TTC39A: variants seen among roughly 807,000 people sequenced by gnomAD.
TTC39A encodes the protein tetratricopeptide repeat protein 39A.
Under a neutral mutation model 82.3 loss-of-function variants are expected in TTC39A, and 46 were observed. The ratio of observed to expected loss-of-function variants is 0.56; its 90% CI spans 0.44 to 0.71. The LOEUF is 0.71. Ranked by LOEUF, TTC39A falls within the 30% of genes least tolerant of loss-of-function variation. The pLI, the probability that TTC39A is intolerant of heterozygous loss-of-function variation, is 0.00. For missense variants in TTC39A, 543 were observed against 712.9 expected (o/e 0.76, Z 2.71); for synonymous variants, 254 against 275.2 (o/e 0.92, Z 0.76).
At chr1:51,301,861 G>A in intron 11 of TTC39A, 128 bp from the exon 12 acceptor site, 3 of 1,390,982 alleles carry the variant, frequency 2.2e-6, no homozygotes, top group Non-Finnish European at 2.9e-6. Context: ...CCTGTGCTAG[G>A]CTCAGGTGGG....
chr1:51,302,166 T>C (rs1271779406), intron 11 of TTC39A, 191 bp downstream of exon 11: 4 of 770,038 alleles, frequency 5.2e-6, no homozygotes, highest in Non-Finnish European at 9.2e-6. Context: ...AAATGCCTCC[T>C]CCTCCCTTGT....
chr1:51,345,027 G>A (rs528929891), exon 1 of TTC39A: 2 of 1,519,222 alleles, frequency 1.3e-6, no homozygotes, highest in African/African-American at 1.4e-5. Context: ...CTCCTTCCAG[G>A]TGGTCAGAAA....
At chr1:51,325,335 C>G (rs1357429175) in intron 1 of TTC39A, among the ~76,000 whole-genome samples, 1 of 152,060 alleles carries the variant, frequency 6.6e-6, no homozygotes, top group East Asian at 1.9e-4. Flanking sequence ...GGGTAAAGGC[C>G]AAGTTCCTTT....
rs564375239 is a variant in TTC39A, at chr1:51,294,933, A to G, written c.1146-422T>C. Among the ~76,000 whole-genome samples the G allele has an allele frequency of 4.1e-4, 62 of 152,310 alleles. 1 individual carries two copies. The highest frequency in any genetic ancestry group is 1.4e-3 in the African/African-American group (58 of 41,576). ...CAAGACCAAACAGCTCAAACCCTTA[A>G]TTAACTCTTGCCTCGCGAGTTCTGG... On this transcript the variant is annotated intron_variant, in intron 13 of 17. Coordinates refer to ENST00000680483, the MANE Select transcript of TTC39A (RefSeq NM_001297663.2). The surrounding 1 kb of genome is among the most constrained non-coding windows in gnomAD (Gnocchi z 4.3).
Position 51,303,139 on chromosome 1 carries a change from A to G in TTC39A, c.708T>C (p.Ser236=). The change falls in exon 9 of 18, where the codon TCT becomes TCC. Residue 236 remains serine, a synonymous_variant. Transcript: ENST00000680483. The stretch of plus-strand genomic sequence containing the variant: ...ACAGCAGGAGCATGACACAGAGCAC[A>G]GAGCGGAAGCTGTGCCCTGACGCTC... ...EEGASGHSFR[S]VLCVMLLLCY... is the part of the protein sequence containing the mutation. 6.4e-7 allele frequency: 1 copy of G among 1,557,088 alleles called. No homozygotes were observed. The highest frequency in any genetic ancestry group is 8.7e-7 in the Non-Finnish European group (1 of 1,148,100).
chr1:51,290,645 T>C lies in TTC39A; in HGVS notation c.1267-20A>G, dbSNP rs760969854. On this transcript the variant is annotated intron_variant, in intron 14 of 17. Coordinates refer to ENST00000680483, the MANE Select transcript of TTC39A (RefSeq NM_001297663.2). ...CATTTCCTGAAGGCAGGGGGGCAAG[T>C]CAGTCCTAGGTTTCTTCCCTAATGG... is the stretch of plus-strand genomic sequence containing the variant. 5 of 1,602,100 alleles carry C rather than the reference T, an allele frequency of 3.1e-6. No homozygotes were observed. Among genetic ancestry groups the C allele is most frequent in the Non-Finnish European group, 4.3e-6 (5 of 1,173,406 alleles).
At chr1:51,313,300 T>C (rs997095345) in intron 2 of TTC39A, among the ~76,000 whole-genome samples, 4 of 152,166 alleles carry the variant, frequency 2.6e-5, no homozygotes, top group African/African-American at 4.8e-5. Flanking sequence ...GCCACCCTCT[T>C]GCCTTCTGCC....
intron 1 of TTC39A, among the ~76,000 whole-genome samples, chr1:51,326,724 C>T (rs1038121952): frequency 6.6e-5 from 10 of 152,168 alleles, no homozygotes; most frequent in East Asian, 3.9e-4. Flanking sequence ...GAAGCAACAG[C>T]GCCAAACCTT....
At chr1:51,308,548 A>T (rs954628609) in intron 6 of TTC39A, among the ~76,000 whole-genome samples, 2 of 152,168 alleles carry the variant, frequency 1.3e-5, no homozygotes, top group Non-Finnish European at 2.9e-5. Context: ...CCTCAAATCA[A>T]CTTTTAATGG....
intron 2 of TTC39A, 22 bp from the exon 3 acceptor site, chr1:51,312,965 G>A (rs1225634820): frequency 3.7e-6 from 6 of 1,611,092 alleles, no homozygotes; most frequent in Non-Finnish European, 4.2e-6. Flanking sequence ...AAGAGACGTT[G>A]AGAGCACCAC....
intron 1 of TTC39A, chr1:51,322,170 G>A (rs1401400770): frequency 6.5e-7 from 1 of 1,547,590 alleles, no homozygotes; most frequent in South Asian, 1.2e-5. Flanking sequence ...ATTGGGCTCT[G>A]CTGCCCCCCC....
intron 1 of TTC39A, among the ~76,000 whole-genome samples, chr1:51,322,574 A>AAATGAATG (rs140876899): frequency 8.7e-5 from 13 of 149,786 alleles, no homozygotes; most frequent in Admixed American, 2.0e-4. Flanking sequence ...TCTGTTAGGT[A>AAATGAATG]AATGAATGAA....
At chr1:51,336,936 T>C (rs1645981677) in intron 1 of TTC39A, among the ~76,000 whole-genome samples, 1 of 152,114 alleles carries the variant, frequency 6.6e-6, no homozygotes, top group Admixed American at 6.5e-5. Flanking sequence ...GGCGGGAGAA[T>C]TGCTTGAGGC....
chr1:51,331,063 C>T, upstream of TTC39A: 1 of 959,064 alleles, frequency 1.0e-6, no homozygotes, highest in Non-Finnish European at 1.6e-6. Context: ...TGGCAGTTCA[C>T]ACTGCCTTCT....
In TTC39A at chr1:51,295,854, A is replaced by C. The variant is rs1421907329; in HGVS notation, c.1145+225T>G. 6 of 594,880 alleles carry C rather than the reference A, an allele frequency of 1.0e-5. No individual in the cohort carries two copies. In the East Asian group the frequency reaches 1.4e-4, roughly 14 times the overall value. The allele number at this position is 594,880 out of a possible 1,614,324, so 36.9% of individuals were successfully genotyped here. A position where few individuals can be genotyped will look rare whatever the true frequency, so the allele number is the denominator to read the frequency against. ...ATTAGCAAAACCATTTCTGTGAAAG[A>C]AAGCCTCTGAAGAAAGTCAAAGGGC... On this transcript the variant is annotated intron_variant, in intron 13 of 17. Transcript: ENST00000680483.
upstream of TTC39A, chr1:51,331,538 G>A (rs1645910943): frequency 1.0e-6 from 1 of 985,322 alleles, no homozygotes; most frequent in African/African-American, 1.7e-5. Context: ...AGAGGAAGCA[G>A]AAGGGGACAG....
chr1:51,322,041 G>A, intron 1 of TTC39A: 1 of 1,514,952 alleles, frequency 6.6e-7, no homozygotes, highest in Non-Finnish European at 8.9e-7. Flanking sequence ...AGAAGGGAAT[G>A]TCATCAGAGA....
At chr1:51,328,080 G>A (rs1038073002) in intron 1 of TTC39A, among the ~76,000 whole-genome samples, 1 of 152,194 alleles carries the variant, frequency 6.6e-6, no homozygotes, top group Non-Finnish European at 1.5e-5. Context: ...AGGCGCAGTG[G>A]CTTACTCCTG....
rs371685339 is a variant in TTC39A, at chr1:51,296,147, G to A, written c.1077C>T (p.Ala359=). ...WSKATYIYMK[A]AYLSMFGKED... ...CCTTCCCAAACATGCTGAGGTAGGC[G>A]GCCTTCATGTAAATGTAGGTGGCCT... Residue 359 remains alanine, a synonymous_variant, in exon 13 of 18, where the codon GCC becomes GCT. Transcript: ENST00000680483. 15 of 1,597,362 alleles carry A rather than the reference G, an allele frequency of 9.4e-6. No individual in the cohort carries two copies. Among genetic ancestry groups the A allele is most frequent in the Non-Finnish European group, 1.3e-5 (15 of 1,172,106 alleles).
Sources: gnomAD v4.1 joint callset for allele counts (sites outside exome capture counted in the v4.1 genomes callset) on GRCh38, gnomAD v4.1.1 for gene constraint, Gnocchi (gnomAD v3.1) non-coding constraint, MANE v1.5 for transcripts, NCBI Gene and HGNC (gene_info 2026-07-23, HGNC 2026-07-21) for gene names.